The following BLTP2 variants were observed in gnomAD, a reference collection of about 807,000 sequenced individuals.
BLTP2 encodes U937-associated antigen.
the BLTP2 span, chr17:28,645,120 C>A: frequency 1.4e-6 from 2 of 1,380,598 alleles, no homozygotes; most frequent in South Asian, 1.4e-5. Flanking sequence ...ACGCCGGATC[C>A]GCGCAGCACC....
the BLTP2 span, chr17:28,645,002 G>C: frequency 9.4e-6 from 15 of 1,590,864 alleles, no homozygotes; most frequent in Non-Finnish European, 1.2e-5. Context: ...CCTAGAAAGA[G>C]GGCGCTAAGC....
the BLTP2 span, among the ~76,000 whole-genome samples, chr17:28,628,875 A>G: frequency 1.7e-4 from 26 of 151,560 alleles, no homozygotes; most frequent in Middle Eastern, 3.4e-3. Flanking sequence ...TGGAGGTTGC[A>G]GTGAGCCGAG....
At chr17:28,635,303 G>C in the BLTP2 span, 1 of 1,614,202 alleles carries the variant, frequency 6.2e-7, no homozygotes, top group Non-Finnish European at 8.5e-7. Flanking sequence ...GAACCTCCAT[G>C]CCGGCTCAGT....
chr17:28,631,871 A>T, the BLTP2 span: 3 of 1,614,044 alleles, frequency 1.9e-6, no homozygotes, highest in African/African-American at 2.7e-5. Flanking sequence ...CCCTGACTGC[A>T]CTCAATCTGG....
chr17:28,640,522 T>A, the BLTP2 span: 19 of 1,611,294 alleles, frequency 1.2e-5, no homozygotes, highest in East Asian at 4.0e-4. Flanking sequence ...CAGCTCCCAC[T>A]ATCACTCTCC....
At chr17:28,631,390 A>G in the BLTP2 span, 1 of 1,221,704 alleles carries the variant, frequency 8.2e-7, no homozygotes, top group South Asian at 1.3e-5. Context: ...TAAACCTCCC[A>G]GTCTCTGGTA....
the BLTP2 span, chr17:28,624,465 G>C: frequency 6.7e-6 from 9 of 1,339,604 alleles, no homozygotes; most frequent in Admixed American, 2.1e-5. Flanking sequence ...GAGCCAAATT[G>C]ATCTTCCCTC....
the BLTP2 span, chr17:28,636,922 A>T: frequency 7.8e-6 from 11 of 1,418,544 alleles, no homozygotes; most frequent in South Asian, 1.1e-5. Flanking sequence ...CTCTAAGCTG[A>T]GGAAAAAACC....
the BLTP2 span, chr17:28,616,099 G>A: frequency 1.9e-6 from 3 of 1,612,766 alleles, no homozygotes; most frequent in South Asian, 1.1e-5. The surrounding 1 kb of genome is among the most constrained non-coding windows in gnomAD (Gnocchi z 4.8). Context: ...TGCAGACCTT[G>A]TAGCTGACAC....
At chr17:28,637,025 G>C in the BLTP2 span, 1 of 1,614,186 alleles carries the variant, frequency 6.2e-7, no homozygotes, top group Non-Finnish European at 8.5e-7. Context: ...TGAGCACTGG[G>C]GTAGGGATGT....
the BLTP2 span, chr17:28,619,899 T>C: frequency 3.1e-6 from 5 of 1,614,098 alleles, no homozygotes. Flanking sequence ...GCTGTCGTAT[T>C]TGGGCCACAT....
chr17:28,642,855 T>C, the BLTP2 span: 1 of 1,413,034 alleles, frequency 7.1e-7, no homozygotes, highest in African/African-American at 1.4e-5. Context: ...GATCCTCTGC[T>C]CCCCAGTGCT....
At chr17:28,641,483 T>C in the BLTP2 span, among the ~76,000 whole-genome samples, 3 of 151,574 alleles carry the variant, frequency 2.0e-5, no homozygotes, top group Non-Finnish European at 4.4e-5. Flanking sequence ...CTACTAAAAA[T>C]ACAAAAATTA....
chr17:28,619,535 C>T, the BLTP2 span: 1 of 1,210,994 alleles, frequency 8.3e-7, no homozygotes, highest in Non-Finnish European at 1.2e-6. Context: ...TCTGAACCTA[C>T]TCCTACATCA....
At chr17:28,640,786 G>A in the BLTP2 span, 2 of 1,137,102 alleles carry the variant, frequency 1.8e-6, no homozygotes, top group Non-Finnish European at 1.3e-6. Flanking sequence ...CATAAAGTAG[G>A]CTAAGCAAAT....
the BLTP2 span, chr17:28,633,617 G>T: frequency 2.5e-6 from 4 of 1,614,044 alleles, no homozygotes; most frequent in Non-Finnish European, 2.5e-6. Context: ...AACAGAAGAC[G>T]GCTCTTGTCC....
At chr17:28,617,445 C>T in the BLTP2 span, 1 of 630,488 alleles carries the variant, frequency 1.6e-6, no homozygotes. Context: ...AGATCTCCTT[C>T]AAACTCATAC....
the BLTP2 span, chr17:28,632,980 T>C: frequency 3.8e-6 from 6 of 1,561,130 alleles, no homozygotes; most frequent in East Asian, 2.2e-5. Context: ...GATGGAGAGA[T>C]TGAGGTTCTC....
the BLTP2 span, among the ~76,000 whole-genome samples, chr17:28,630,291 G>A: frequency 6.6e-6 from 1 of 151,796 alleles, no homozygotes; most frequent in Non-Finnish European, 1.5e-5. Context: ...CGAGTAGCTG[G>A]GACCACAGGC....
Sources: allele counts gnomAD v4.1 joint callset (sites outside exome capture counted in the v4.1 genomes callset), GRCh38; gene constraint gnomAD v4.1.1; non-coding constraint Gnocchi (gnomAD v3.1); transcripts MANE v1.5; gene names NCBI Gene and HGNC (gene_info 2026-07-23, HGNC 2026-07-21).